TMPO: variants seen among roughly 807,000 people sequenced by gnomAD.
TMPO encodes thymopoietin.
A neutral mutation model predicts 45.4 loss-of-function variants in TMPO; 22 were observed. The observed-to-expected ratio is 0.48, with a 90% CI of 0.35 to 0.69. The LOEUF (loss-of-function observed/expected upper bound fraction) is 0.69, where lower values mean the gene tolerates loss of function less well. Ranked by LOEUF, TMPO falls within the 30% of genes least tolerant of loss-of-function variation. The pLI, the probability that TMPO is intolerant of heterozygous loss-of-function variation, is 0.01. For missense variants in TMPO, 512 were observed against 548.8 expected, an observed-to-expected ratio of 0.93 and a Z score of 0.67; for synonymous variants, 241 against 204.1, an observed-to-expected ratio of 1.18 and a Z score of -1.54.
At chr12:98,519,196 T>C (rs975806972) in intron 1 of TMPO, among the ~76,000 whole-genome samples, 17 of 152,032 alleles carry the variant, frequency 1.1e-4, no homozygotes. Flanking sequence ...TGAAGTAATT[T>C]TTGTTGTTGT....
At chr12:98,534,505 A>G (rs1207856596) in intron 3 of TMPO, 2 of 1,437,762 alleles carry the variant, frequency 1.4e-6, no homozygotes, top group African/African-American at 2.9e-5. Flanking sequence ...GTGTAGAACT[A>G]CTTGTCTTTT....
intron 1 of TMPO, among the ~76,000 whole-genome samples, chr12:98,518,470 C>CTTTTGTTTTTT (rs1876066979): frequency 1.2e-5 from 1 of 83,538 alleles, no homozygotes; most frequent in Non-Finnish European, 2.2e-5. Flanking sequence ...ATTTTCTAAT[C>CTTTTGTTTTTT]TTTTTTTTTT....
intron 2 of TMPO, among the ~76,000 whole-genome samples, chr12:98,528,417 C>T (rs1374285851): frequency 2.0e-5 from 3 of 152,016 alleles, no homozygotes; most frequent in Admixed American, 6.6e-5. Flanking sequence ...GCTGGGACTA[C>T]AGGCGCCCGC....
chr12:98,548,790 T>C lies in TMPO; in HGVS notation c.*932T>C, dbSNP rs1283143959. On this transcript the variant is annotated 3_prime_UTR_variant, in exon 9 of 9. Coordinates refer to ENST00000556029, the MANE Select transcript of TMPO (RefSeq NM_001032283.3). ...TACCAGAAACAAATTTTGCCGAGCT[T>C]TTTTTGCCCTATATTTCCCAGCATA... 2.6e-5 allele frequency: 4 copies of C among 152,160 alleles called. No homozygotes were observed. Among genetic ancestry groups the C allele is most frequent in the African/African-American group, 9.7e-5 (4 of 41,442 alleles). 9.4% of individuals were successfully genotyped at this position (152,160 alleles called of 1,614,324 possible).
chr12:98,531,008 T>C (rs1369420905), intron 2 of TMPO, among the ~76,000 whole-genome samples: 2 of 152,230 alleles, frequency 1.3e-5, no homozygotes, highest in Non-Finnish European at 2.9e-5. Flanking sequence ...AATGGTGCGA[T>C]ATCAGCTCAC....
chr12:98,520,791 C>T (rs1876286962), intron 1 of TMPO, among the ~76,000 whole-genome samples: 4 of 152,008 alleles, frequency 2.6e-5, no homozygotes, highest in African/African-American at 9.7e-5. Flanking sequence ...CCAGGATGGT[C>T]TCTATCTCCT....
chr12:98,522,371 T>C (rs1270735142), intron 1 of TMPO, among the ~76,000 whole-genome samples: 2 of 152,188 alleles, frequency 1.3e-5, no homozygotes, highest in Non-Finnish European at 2.9e-5. Context: ...CATAAAAGCA[T>C]GCTACCAATA....
In TMPO at chr12:98,547,955, TG is replaced by T; in HGVS notation, c.*98del. ...TGTTGACTCCAAGAACTAAAAATAA[TG>T]TGATTTCGCCTCAATAAATGTAGTA... On this transcript the variant is annotated 3_prime_UTR_variant, in exon 9 of 9. Coordinates refer to ENST00000556029, the MANE Select transcript of TMPO (RefSeq NM_001032283.3). 7.3e-7 allele frequency: 1 copy of T among 1,373,718 alleles called. No individual in the cohort carries two copies. The highest frequency in any genetic ancestry group is 1.3e-5 in the South Asian group (1 of 79,554). 85.1% of individuals were successfully genotyped at this position (1,373,718 alleles called of 1,614,324 possible).
intron 4 of TMPO, among the ~76,000 whole-genome samples, chr12:98,540,182 A>G (rs538783768): frequency 1.3e-5 from 2 of 152,270 alleles, no homozygotes; most frequent in African/African-American, 4.8e-5. Flanking sequence ...TTGCTTCTTT[A>G]TGTCATTTAA....
intron 1 of TMPO, among the ~76,000 whole-genome samples, chr12:98,516,996 A>G (rs1875895326): frequency 6.6e-6 from 1 of 152,066 alleles, no homozygotes; most frequent in South Asian, 2.1e-4. Flanking sequence ...TTTTTAGTAG[A>G]GACGGGGTTT....
At chr12:98,534,899 A>C (rs1026483510) in intron 3 of TMPO, 1 of 981,046 alleles carries the variant, frequency 1.0e-6, no homozygotes, top group African/African-American at 1.7e-5. Context: ...TCAAAGCACC[A>C]GTCTACAAAC....
intron 4 of TMPO, among the ~76,000 whole-genome samples, chr12:98,538,759 G>A (rs1877724783): frequency 1.3e-5 from 2 of 152,174 alleles, no homozygotes; most frequent in South Asian, 2.1e-4. Flanking sequence ...ATTTCAGAAC[G>A]ATTTGTTAGA....
At position 98,533,657 on chromosome 12, in the gene TMPO, A is replaced by G. The variant is rs1479099731; in HGVS notation, c.565+1819A>G. 2 of 1,614,214 alleles carry G rather than the reference A, an allele frequency of 1.2e-6. No homozygotes were observed. The highest frequency in any genetic ancestry group is 1.7e-4 in the Middle Eastern group (1 of 6,060). On this transcript the variant is annotated intron_variant, in intron 3 of 8. Coordinates refer to ENST00000556029, the MANE Select transcript of TMPO (RefSeq NM_001032283.3). Reference sequence around the variant, plus strand: ...TCTTTTGCCAAAACTGTTGTCTCTCATTCACTCACTACCTTAGGTCTAGAA... The same window carrying G: ...TCTTTTGCCAAAACTGTTGTCTCTCGTTCACTCACTACCTTAGGTCTAGAA...
chr12:98,518,232 A>T (rs895612920), intron 1 of TMPO, among the ~76,000 whole-genome samples: 1 of 151,790 alleles, frequency 6.6e-6, no homozygotes, highest in African/African-American at 2.4e-5. Context: ...AGAACCCTTC[A>T]TTGGTCCTCT....
At chr12:98,518,370 C>A (rs1876053116) in intron 1 of TMPO, among the ~76,000 whole-genome samples, 1 of 151,736 alleles carries the variant, frequency 6.6e-6, no homozygotes, top group South Asian at 2.1e-4. Context: ...TAGCTTACTG[C>A]AGCCTCAAAC....
At chr12:98,535,754 C>T (rs1877527955) in intron 3 of TMPO, 9 of 719,104 alleles carry the variant, frequency 1.3e-5, no homozygotes, top group Non-Finnish European at 1.5e-5. Flanking sequence ...TTTGACATTT[C>T]AGTGGTATAA....
intron 2 of TMPO, among the ~76,000 whole-genome samples, chr12:98,530,926 A>G (rs1053965850): frequency 1.3e-5 from 2 of 152,204 alleles, no homozygotes; most frequent in Non-Finnish European, 2.9e-5. Context: ...ATTTCATGCT[A>G]TTAAAAGAAA....
intron 1 of TMPO, among the ~76,000 whole-genome samples, chr12:98,526,612 G>A (rs1876779028): frequency 6.6e-6 from 1 of 152,152 alleles, no homozygotes; most frequent in South Asian, 2.1e-4. Flanking sequence ...TTGGGAGAAT[G>A]GAGAGCCAAC....
chr12:98,534,797 A>G (rs1360444574), intron 3 of TMPO: 6 of 1,003,368 alleles, frequency 6.0e-6, no homozygotes, highest in Non-Finnish European at 7.1e-6. Context: ...ACGTTCCATA[A>G]CTTGTCCATA....
Sources: gnomAD v4.1 joint callset for allele counts (sites outside exome capture counted in the v4.1 genomes callset) on GRCh38, gnomAD v4.1.1 for gene constraint, MANE v1.5 for transcripts, NCBI Gene and HGNC (gene_info 2026-07-23, HGNC 2026-07-21) for gene names.